Variants in GRIN3A observed in about 807,000 individuals in gnomAD.
GRIN3A encodes glutamate ionotropic receptor NMDA type subunit 3A.
A neutral mutation model predicts 92.4 loss-of-function variants in GRIN3A; 47 were observed. That is an observed-to-expected ratio of 0.51 (90% CI 0.40 to 0.65). The LOEUF (loss-of-function observed/expected upper bound fraction) is 0.65, where lower values mean the gene tolerates loss of function less well. GRIN3A is among the 30% of genes least tolerant of loss of function. The pLI is 0.00. For synonymous variants in GRIN3A, 527 were observed against 540.6 expected (o/e 0.97, Z 0.35); for missense variants, 1,324 against 1,393.1 (o/e 0.95, Z 0.79).
chr9:101,591,554 GTGT>G (rs1396413927), intron 6 of GRIN3A: 5 of 152,138 alleles, frequency 3.3e-5, no homozygotes, highest in East Asian at 1.9e-4. Context: ...CAGACTCACA[GTGT>G]TGTTATGATG....
chr9:101,654,806 G>A (rs888964924), intron 3 of GRIN3A, among the ~76,000 whole-genome samples: 2 of 151,694 alleles, frequency 1.3e-5, no homozygotes, highest in Admixed American at 1.3e-4. Flanking sequence ...ATTCTTCATC[G>A]TAACACTCAT....
Position 101,674,389 on chromosome 9 carries a change from G to A in GRIN3A, c.1305-3282C>T, listed in dbSNP as rs77687728. Among the ~76,000 whole-genome samples, 788 of 152,096 alleles carry A rather than the reference G, an allele frequency of 5.2e-3. 2 individuals carry two copies. Among genetic ancestry groups the A allele is most frequent in the Non-Finnish European group, 8.0e-3 (544 of 67,968 alleles). Reference sequence around the variant, plus strand: ...TTCCTCTTTTACTCTCTCTCTGCTAGTCTCATAAAGGGCTTAAGGTGGTAA... The same window carrying A: ...TTCCTCTTTTACTCTCTCTCTGCTAATCTCATAAAGGGCTTAAGGTGGTAA... On this transcript the variant is annotated intron_variant, in intron 2 of 8. Transcript: ENST00000361820.
intron 2 of GRIN3A, among the ~76,000 whole-genome samples, chr9:101,677,430 C>T (rs945370190): frequency 1.3e-5 from 2 of 151,798 alleles, no homozygotes; most frequent in African/African-American, 4.8e-5. Flanking sequence ...TTTTGTATAG[C>T]AGAAATGCCA....
intron 6 of GRIN3A, among the ~76,000 whole-genome samples, chr9:101,596,965 C>G (rs1828142432): frequency 6.6e-6 from 1 of 152,168 alleles, no homozygotes; most frequent in African/African-American, 2.4e-5. Flanking sequence ...AAGTACGGGA[C>G]CTTATGAGAC....
intron 2 of GRIN3A, among the ~76,000 whole-genome samples, chr9:101,672,009 G>T (rs1446216724): frequency 6.6e-6 from 1 of 152,170 alleles, no homozygotes; most frequent in African/African-American, 2.4e-5. Context: ...AGTCTGGGAA[G>T]ATTAGACAGT....
At chr9:101,717,505 G>A (rs1829962444) in intron 1 of GRIN3A, among the ~76,000 whole-genome samples, 1 of 152,136 alleles carries the variant, frequency 6.6e-6, no homozygotes, top group African/African-American at 2.4e-5. Context: ...ACTTAATGAC[G>A]GATGAGCAGT....
intron 6 of GRIN3A, among the ~76,000 whole-genome samples, chr9:101,598,046 G>T (rs1828162595): frequency 1.3e-5 from 2 of 152,096 alleles, no homozygotes; most frequent in Admixed American, 1.3e-4. Context: ...TAAAGTAGAT[G>T]AATCTTGGAA....
intron 1 of GRIN3A, among the ~76,000 whole-genome samples, chr9:101,727,819 A>G (rs1213431578): frequency 2.7e-5 from 4 of 150,258 alleles, no homozygotes; most frequent in African/African-American, 9.8e-5. Flanking sequence ...CTAAAGCTGT[A>G]TTTTGGAGAC....
intron 1 of GRIN3A, among the ~76,000 whole-genome samples, chr9:101,692,590 A>C (rs1829633376): frequency 1.3e-5 from 2 of 152,200 alleles, no homozygotes; most frequent in African/African-American, 2.4e-5. Context: ...GTCAAAGCCC[A>C]AAAAGCTCAA....
At chr9:101,651,774 G>T (rs10760799) in intron 3 of GRIN3A, among the ~76,000 whole-genome samples, 82,185 of 151,626 alleles carry the variant, frequency 0.54, 22,299 homozygotes, top group Middle Eastern at 0.57. Flanking sequence ...TTTCTGAGCT[G>T]CTTCTGAGAT....
Position 101,603,875 on chromosome 9 carries a change from C to T in GRIN3A, c.2766+9501G>A, listed in dbSNP as rs143570447. Among the ~76,000 whole-genome samples, 6 of 152,218 alleles carry T rather than the reference C, an allele frequency of 3.9e-5. No individual in the cohort carries two copies. In the South Asian group the frequency reaches 6.2e-4, roughly 16 times the overall value. ...TCTGGTTTTGCCTGGAGGCTTCTTC[C>T]GCTACAGGGGTTACCTCCTCCAGGA... On this transcript the variant is annotated intron_variant, in intron 6 of 8. Transcript: ENST00000361820.
At position 101,737,794 on chromosome 9, in the gene GRIN3A, G is replaced by C. The variant is rs949332112; in HGVS notation, c.186C>G (p.Pro62=). The C allele has an allele frequency of 2.0e-6, 3 of 1,529,844 alleles. No homozygotes were observed. Among genetic ancestry groups the C allele is most frequent in the South Asian group, 2.4e-5 (2 of 83,442 alleles). 94.8% of individuals were successfully genotyped at this position (1,529,844 alleles called of 1,614,324 possible). A position where few individuals can be genotyped will look rare whatever the true frequency, so the allele number is the denominator to read the frequency against. The part of the protein sequence containing the change: ...AVHLQPWTTA[P]RAASRAPDDS... ...CGTCCGGAGCGCGGCTGGCCGCGCG[G>C]GGGGCGGTGGTCCAGGGCTGCAAGT... Residue 62 remains proline (P), a synonymous_variant, in exon 1 of 9, where the codon CCC becomes CCG. Transcript: ENST00000361820.
Position 101,573,380 on chromosome 9 carries a change from G to A in GRIN3A, c.3142C>T (p.Leu1048Phe). Reference sequence around the variant, plus strand: ...GGGAGCTCTCTTCTCCTTGGAGGGAGGGGGATGTCCTGGTGGATCCGGATG... The same window carrying A: ...GGGAGCTCTCTTCTCCTTGGAGGGAAGGGGATGTCCTGGTGGATCCGGATG... ...LGIRIHQDIP[L>F]PPRRRELPAL... Residue 1048 changes from leucine (L) to phenylalanine (F), a missense_variant, in exon 9 of 9, where the codon CTC becomes TTC. Leu to Phe is a conservative substitution (Grantham distance 22, BLOSUM62 0). Coordinates refer to ENST00000361820, the MANE Select transcript of GRIN3A (RefSeq NM_133445.3). 6.2e-7 allele frequency: 1 copy of A among 1,614,058 alleles called. No individual in the cohort carries two copies. The highest frequency in any genetic ancestry group is 8.5e-7 in the Non-Finnish European group (1 of 1,179,954).
chr9:101,686,988 G>C lies in GRIN3A; in HGVS notation c.912C>G (p.Thr304=), dbSNP rs28687945. The C allele has an allele frequency of 1.4e-3, 2,198 of 1,614,208 alleles. 23 individuals carry two copies. In the African/African-American group the frequency reaches 0.026, roughly 19 times the overall value. ...IINITANLPS[T]QDLLSFLQIQ... is the part of the protein sequence containing the mutation. ...TCTGTAGGAAGCTCAAGAGGTCCTGGGTGGAGGGGAGGTTAGCGGTGATGT... is the reference window on the plus strand; with the variant it reads ...TCTGTAGGAAGCTCAAGAGGTCCTGCGTGGAGGGGAGGTTAGCGGTGATGT... Residue 304 remains threonine (T), a synonymous_variant, in exon 2 of 9, where the codon ACC becomes ACG. Coordinates refer to ENST00000361820, the MANE Select transcript of GRIN3A (RefSeq NM_133445.3).
intron 6 of GRIN3A, among the ~76,000 whole-genome samples, chr9:101,597,231 G>T (rs999655701): frequency 6.6e-6 from 1 of 152,116 alleles, no homozygotes; most frequent in African/African-American, 2.4e-5. Context: ...GTCTCACTTG[G>T]GTTGGGTTCC....
chr9:101,670,342 G>T lies in GRIN3A; in HGVS notation c.2070C>A (p.Val690=). The T allele has an allele frequency of 6.2e-7, 1 of 1,614,030 alleles. No homozygotes were observed. Among genetic ancestry groups the T allele is most frequent in the Non-Finnish European group, 8.5e-7 (1 of 1,179,964 alleles). The change falls in exon 3 of 9, where the codon GTC becomes GTA. Residue 690 remains valine, a synonymous_variant. Coordinates refer to ENST00000361820, the MANE Select transcript of GRIN3A (RefSeq NM_133445.3). ...GIFVALHITA[V]FLTLYEWKSP... ...TCTTCCATTCATACAGAGTGAGGAA[G>T]ACGGCAGTGATGTGCAGAGCCACAA...
At chr9:101,697,672 A>G (rs1829700664) in intron 1 of GRIN3A, among the ~76,000 whole-genome samples, 1 of 152,202 alleles carries the variant, frequency 6.6e-6, no homozygotes, top group Non-Finnish European at 1.5e-5. Context: ...ACAGTCCACC[A>G]GAAACCAATT....
At chr9:101,679,589 A>G (rs985392255) in intron 2 of GRIN3A, among the ~76,000 whole-genome samples, 11 of 152,176 alleles carry the variant, frequency 7.2e-5, no homozygotes, top group Non-Finnish European at 1.0e-4. Flanking sequence ...AAGGGTTCCT[A>G]CTGAAAACAT....
chr9:101,605,547 G>T (rs944578745), intron 6 of GRIN3A, among the ~76,000 whole-genome samples: 1 of 152,070 alleles, frequency 6.6e-6, no homozygotes, highest in Non-Finnish European at 1.5e-5. Context: ...CACTCCATCC[G>T]TGCCCTATGG....
Sources: allele counts gnomAD v4.1 joint callset (sites outside exome capture counted in the v4.1 genomes callset), GRCh38; gene constraint gnomAD v4.1.1; transcripts MANE v1.5; gene names NCBI Gene and HGNC (gene_info 2026-07-23, HGNC 2026-07-21).